Variants in PXK observed in about 807,000 individuals in gnomAD.
PXK encodes PX domain-containing protein kinase-like protein.
Under a neutral mutation model 84.7 loss-of-function variants are expected in PXK, and 35 were observed. That is an observed-to-expected ratio of 0.41 (90% confidence interval 0.32 to 0.55). The LOEUF is 0.55. Ranked by LOEUF, PXK falls within the 20% of genes least tolerant of loss-of-function variation. The probability of loss-of-function intolerance (pLI) is 0.21; values close to 1 mark genes in which losing one functional copy is unlikely to be tolerated. For synonymous variants in PXK, 253 were observed against 260.8 expected, an observed-to-expected ratio of 0.97 and a Z score of 0.29; for missense variants, 634 against 699.7, an observed-to-expected ratio of 0.91 and a Z score of 1.06.
At chr3:58,389,612 A>G (rs745904174) in intron 4 of PXK, among the ~76,000 whole-genome samples, 3 of 151,712 alleles carry the variant, frequency 2.0e-5, no homozygotes. Context: ...CTCTTGAGCC[A>G]AGAGTTTGAG....
intron 17 of PXK, among the ~76,000 whole-genome samples, chr3:58,415,990 G>A (rs987923519): frequency 1.3e-5 from 2 of 152,112 alleles, no homozygotes; most frequent in African/African-American, 4.8e-5. Flanking sequence ...AAGAATTTTG[G>A]GGTCAGTAGA....
Position 58,425,077 on chromosome 3 carries a change from C to T in PXK, c.*117C>T. On this transcript the variant is annotated 3_prime_UTR_variant, in exon 18 of 18. Coordinates refer to ENST00000356151, the MANE Select transcript of PXK (RefSeq NM_017771.5). ...TGAGCCAGTACAGCCACAAACAGTA[C>T]TATTTTGCAGATGCTCATGTAAGCA... 7.0e-7 allele frequency: 1 copy of T among 1,422,836 alleles called. No homozygotes were observed. Among genetic ancestry groups the T allele is most frequent in the South Asian group, 1.4e-5 (1 of 69,074 alleles). The allele number at this position is 1,422,836 out of a possible 1,614,324, so 88.1% of individuals were successfully genotyped here.
chr3:58,418,933 G>C (rs1448075336), intron 17 of PXK, among the ~76,000 whole-genome samples: 1 of 152,142 alleles, frequency 6.6e-6, no homozygotes, highest in Non-Finnish European at 1.5e-5. Flanking sequence ...AGGCATACAA[G>C]TTTATTTAAT....
At chr3:58,375,297 A>G (rs1576242677) in intron 3 of PXK, among the ~76,000 whole-genome samples, 4 of 152,212 alleles carry the variant, frequency 2.6e-5, no homozygotes, top group African/African-American at 9.6e-5. Flanking sequence ...TCCTTGCTCC[A>G]TATACAATCA....
chr3:58,372,748 T>C (rs1285124894), intron 3 of PXK, among the ~76,000 whole-genome samples: 1 of 151,560 alleles, frequency 6.6e-6, no homozygotes, highest in Non-Finnish European at 1.5e-5. Context: ...TGCCATAACC[T>C]CCCGAGTAGC....
chr3:58,374,371 A>T (rs961497924), intron 3 of PXK, among the ~76,000 whole-genome samples: 4 of 151,892 alleles, frequency 2.6e-5, no homozygotes, highest in Non-Finnish European at 5.9e-5. Flanking sequence ...TGGGGGTTTC[A>T]TCATGTTGGC....
In PXK at chr3:58,332,945, T is replaced by G. The variant is rs1174569651; in HGVS notation, c.-44T>G. 4 of 1,261,394 alleles carry G rather than the reference T, an allele frequency of 3.2e-6. No homozygotes were observed. The South Asian group carries it at 4.8e-5, about 15-fold the overall frequency. 78.1% of individuals were successfully genotyped at this position (1,261,394 alleles called of 1,614,324 possible). ...GGGCGGCGGGAGTCGGCGCCTCGGG[T>G]TCCTACCTCGCGTCCCTAGGCGGCG... On this transcript the variant is annotated 5_prime_UTR_variant, in exon 1 of 18. Coordinates refer to ENST00000356151, the MANE Select transcript of PXK (RefSeq NM_017771.5). This position sits in a 1 kb window ranked among gnomAD's most constrained non-coding sequence, Gnocchi z 5.6.
intron 1 of PXK, among the ~76,000 whole-genome samples, chr3:58,350,815 C>T (rs2097908168): frequency 6.6e-6 from 1 of 152,182 alleles, no homozygotes; most frequent in South Asian, 2.1e-4. Context: ...ACTGTGGTCA[C>T]TTCCACAGTT....
intron 17 of PXK, 81 bp from the exon 18 acceptor site, chr3:58,424,671 G>A (rs2062564314): frequency 1.8e-5 from 28 of 1,523,878 alleles, no homozygotes; most frequent in East Asian, 9.6e-5. Context: ...TCACCAGTCC[G>A]TTGTGCTCAG....
chr3:58,350,330 A>G (rs2097899010), intron 1 of PXK, among the ~76,000 whole-genome samples: 1 of 152,140 alleles, frequency 6.6e-6, no homozygotes, highest in Admixed American at 6.6e-5. Context: ...GCTGCAAAGT[A>G]TAGGGGTATT....
rs144408103 is a variant in PXK, at chr3:58,422,414, C to G, written c.1529-2338C>G. On this transcript the variant is annotated intron_variant, in intron 17 of 17. Coordinates refer to ENST00000356151, the MANE Select transcript of PXK (RefSeq NM_017771.5). The stretch of plus-strand genomic sequence containing the variant: ...ATCAAGCCCCACCGGACTGCTCCAG[C>G]CTGCTGAGGCCACATCAGGGAGATC... 2.3e-4 allele frequency: 222 copies of G among 985,398 alleles called. 1 individual carries two copies. In the African/African-American group the frequency reaches 3.6e-3, roughly 16 times the overall value. 61.0% of individuals were successfully genotyped at this position (985,398 alleles called of 1,614,324 possible).
In PXK at chr3:58,401,469, A is replaced by G. The variant is rs1033835490; in HGVS notation, c.1181+2092A>G. 3.3e-5 allele frequency among the ~76,000 whole-genome samples: 5 copies of G among 152,112 alleles called. No individual in the cohort carries two copies. The highest frequency in any genetic ancestry group is 9.7e-5 in the African/African-American group (4 of 41,414). On this transcript the variant is annotated intron_variant, in intron 12 of 17. Transcript: ENST00000356151. This position sits in a 1 kb window ranked among gnomAD's most constrained non-coding sequence, Gnocchi z 4.4. ...TCTCTACAAAAAATACAACAACAAC[A>G]AAATTAGCTAGGCGTGGTGGTGTGC...
chr3:58,365,960 A>C, intron 2 of PXK, 36 bp downstream of exon 2: 1 of 1,509,886 alleles, frequency 6.6e-7, no homozygotes, highest in South Asian at 1.2e-5. Context: ...TCAATTAGAA[A>C]AATATTTAAA....
At chr3:58,340,174 G>A (rs1032333041) in intron 1 of PXK, among the ~76,000 whole-genome samples, 2 of 150,882 alleles carry the variant, frequency 1.3e-5, no homozygotes, top group African/African-American at 4.9e-5. Flanking sequence ...AGGCTGGAGG[G>A]CAGTGTGGAG....
Position 58,351,584 on chromosome 3 carries a change from A to G in PXK, c.103-14290A>G, listed in dbSNP as rs544601888. ...CCAGGATTTCTTATTTTAAAGTATC[A>G]TGTTTTAAATTACATGTGTAGCAAA... On this transcript the variant is annotated intron_variant, in intron 1 of 17. Coordinates refer to ENST00000356151, the MANE Select transcript of PXK (RefSeq NM_017771.5). Among the ~76,000 whole-genome samples, 4 of 152,260 alleles carry G rather than the reference A, an allele frequency of 2.6e-5. No individual in the cohort carries two copies. The South Asian group carries it at 6.2e-4, about 24-fold the overall frequency.
chr3:58,369,558 C>T (rs2098332141), intron 3 of PXK, 80 bp downstream of exon 3: 1 of 1,127,984 alleles, frequency 8.9e-7, no homozygotes, highest in South Asian at 1.3e-5. Flanking sequence ...GGCACGGTGG[C>T]TCAACGCCTG....
At chr3:58,410,069 C>G in intron 15 of PXK, 21 bp from the exon 16 acceptor site, 1 of 1,503,228 alleles carries the variant, frequency 6.7e-7, no homozygotes, top group South Asian at 1.1e-5. Context: ...CCTCCCTCCC[C>G]CTTTTCTTTT....
rs368314035 is a variant in PXK, at chr3:58,344,525, G to A, written c.102+11435G>A. 4.8e-4 allele frequency among the ~76,000 whole-genome samples: 73 copies of A among 152,212 alleles called. 2 individuals are homozygous for A. The East Asian group carries it at 5.6e-3, about 12-fold the overall frequency. ...CTGGCTATTGGTGTTCAGTGGTGAC[G>A]GAAAAGACAAGTGGTCGGCTGGGCA... On this transcript the variant is annotated intron_variant, in intron 1 of 17. Coordinates refer to ENST00000356151, the MANE Select transcript of PXK (RefSeq NM_017771.5).
rs934464500 is a variant in PXK at position 58,403,885 on chromosome 3, C to T, written c.1205C>T (p.Thr402Ile). Residue 402 changes from threonine to isoleucine, a missense_variant, in exon 13 of 18, where the codon ACC (threonine) becomes ATC (isoleucine). Physicochemically the swap from Thr to Ile is moderately conservative, Grantham distance 89. Coordinates refer to ENST00000356151, the MANE Select transcript of PXK (RefSeq NM_017771.5). The stretch of plus-strand genomic sequence containing the variant: ...AGATTATTCAGCGATGTTTTACTAA[C>T]CACTTCTGAAAAACCACAGTTTAAG... ...QMPLFSDVLL[T>I]TSEKPQFKIP... is the part of the protein sequence containing the mutation. The T allele has an allele frequency of 6.5e-7, 1 of 1,543,168 alleles. No individual in the cohort carries two copies. The highest frequency in any genetic ancestry group is 8.8e-7 in the Non-Finnish European group (1 of 1,134,806).
Sources: allele counts gnomAD v4.1 joint callset (sites outside exome capture counted in the v4.1 genomes callset), GRCh38; gene constraint gnomAD v4.1.1; non-coding constraint Gnocchi (gnomAD v3.1); transcripts MANE v1.5; gene names NCBI Gene and HGNC (gene_info 2026-07-23, HGNC 2026-07-21).